The following KCNK2 variants were observed in gnomAD, a reference collection of about 807,000 sequenced individuals.
KCNK2 encodes the protein potassium two pore domain channel subfamily K member 2.
KCNK2 carries 21 observed loss-of-function variants against 40.5 expected under a neutral mutation model. The ratio of observed to expected loss-of-function variants is 0.52; its 90% CI spans 0.37 to 0.75. The LOEUF (loss-of-function observed/expected upper bound fraction) is 0.75. KCNK2 is among the 30% of genes least tolerant of loss of function. The pLI, the probability that KCNK2 is intolerant of heterozygous loss-of-function variation, is 0.00. For missense variants in KCNK2, 399 were observed against 531.6 expected, an observed-to-expected ratio of 0.75 and a Z score of 2.45; for synonymous variants, 191 against 202.2, an observed-to-expected ratio of 0.94 and a Z score of 0.47.
intron 2 of KCNK2, among the ~76,000 whole-genome samples, chr1:215,117,723 G>T (rs185765754): frequency 2.3e-3 from 347 of 152,190 alleles, no homozygotes; most frequent in Middle Eastern, 6.8e-3. Context: ...TCAAGAAGTT[G>T]TTTGCTTCCT....
At chr1:215,105,454 C>T (rs116313393) in intron 2 of KCNK2, among the ~76,000 whole-genome samples, 77 of 152,164 alleles carry the variant, frequency 5.1e-4, no homozygotes, top group African/African-American at 1.7e-3. Flanking sequence ...GTCTATACCC[C>T]ATTTTCTTTC....
At chr1:215,058,011 A>C (rs1658228254) in intron 1 of KCNK2, among the ~76,000 whole-genome samples, 1 of 152,160 alleles carries the variant, frequency 6.6e-6, no homozygotes, top group South Asian at 2.1e-4. Context: ...AAAAGTGAGA[A>C]TAATAAAGAG....
intron 5 of KCNK2, among the ~76,000 whole-genome samples, chr1:215,191,471 G>T (rs1664664755): frequency 1.3e-5 from 2 of 151,882 alleles, no homozygotes; most frequent in South Asian, 4.2e-4. Context: ...AATAATACCA[G>T]CCTGAACTTT....
intron 3 of KCNK2, among the ~76,000 whole-genome samples, chr1:215,156,505 G>C (rs538141364): frequency 6.6e-6 from 1 of 152,168 alleles, no homozygotes; most frequent in South Asian, 2.1e-4. Context: ...TAATGTGTTG[G>C]TAAATGTTAG....
chr1:215,046,228 G>T (rs542591475), intron 1 of KCNK2, among the ~76,000 whole-genome samples: 1 of 152,120 alleles, frequency 6.6e-6, no homozygotes, highest in Non-Finnish European at 1.5e-5. Flanking sequence ...TATGATTTGA[G>T]AAATACAGCA....
chr1:215,160,798 G>A (rs1361039971), intron 3 of KCNK2, among the ~76,000 whole-genome samples: 1 of 152,052 alleles, frequency 6.6e-6, no homozygotes, highest in Non-Finnish European at 1.5e-5. Flanking sequence ...CCTCCTGGTT[G>A]TTTTATCTCC....
intron 3 of KCNK2, among the ~76,000 whole-genome samples, chr1:215,140,624 T>C (rs1345096461): frequency 2.0e-5 from 3 of 152,154 alleles, no homozygotes; most frequent in Non-Finnish European, 4.4e-5. Flanking sequence ...AAATAAATGG[T>C]ATAAAAGATT....
At chr1:215,058,837 T>C (rs1318327000) in intron 1 of KCNK2, among the ~76,000 whole-genome samples, 3 of 152,122 alleles carry the variant, frequency 2.0e-5, no homozygotes, top group Non-Finnish European at 4.4e-5. Context: ...TGCCTGTTTC[T>C]TTTCTTTCTT....
rs1473553180 is a variant in KCNK2, at chr1:215,235,034, C to T, written c.1170C>T (p.Thr390=). 2.5e-6 allele frequency: 4 copies of T among 1,613,936 alleles called. No individual in the cohort carries two copies. Among genetic ancestry groups the T allele is most frequent in the Non-Finnish European group, 3.4e-6 (4 of 1,179,926 alleles). Reference sequence around the variant, plus strand: ...GGACCCTGTCAGTGAACCACCTGACCAGCGAGAGGGATGTCTTGCCTCCCT... The same window carrying T: ...GGACCCTGTCAGTGAACCACCTGACTAGCGAGAGGGATGTCTTGCCTCCCT... ...CRRTLSVNHL[T]SERDVLPPLL... is the part of the protein sequence containing the mutation. The change falls in exon 7 of 7, where the codon ACC becomes ACT. Residue 390 remains threonine (T), a synonymous_variant. Transcript: ENST00000444842.
At chr1:215,168,845 G>A (rs115769130) in intron 3 of KCNK2, among the ~76,000 whole-genome samples, 6,559 of 152,010 alleles carry the variant, frequency 0.043, 193 homozygotes, top group Middle Eastern at 0.089. Context: ...TTCTGCAATT[G>A]TATCCCAGAA....
Position 215,167,313 on chromosome 1 carries a change from T to G in KCNK2, c.476-1886T>G, listed in dbSNP as rs183635764. ...CTTTGAACTACAATGGTCATTAAAC[T>G]GGAAAGTAAAGTAACAACGACAAAA... On this transcript the variant is annotated intron_variant, in intron 3 of 6. Transcript: ENST00000444842. 4.6e-3 allele frequency among the ~76,000 whole-genome samples: 664 copies of G among 143,844 alleles called. 1 individual carries two copies. The highest frequency in any genetic ancestry group is 0.011 in the Middle Eastern group (3 of 282). The allele number at this position is 143,844 out of a possible 152,430, so 94.4% of individuals were successfully genotyped here. A position where few individuals can be genotyped will look rare whatever the true frequency, so the allele number is the denominator to read the frequency against.
intron 1 of KCNK2, among the ~76,000 whole-genome samples, chr1:215,063,867 C>G (rs1472749465): frequency 6.6e-6 from 1 of 152,112 alleles, no homozygotes; most frequent in African/African-American, 2.4e-5. Flanking sequence ...AAACAGAGCT[C>G]CCTTCACAAT....
intron 2 of KCNK2, among the ~76,000 whole-genome samples, chr1:215,124,100 A>C (rs961200961): frequency 9.9e-5 from 15 of 152,156 alleles, no homozygotes; most frequent in African/African-American, 3.1e-4. Flanking sequence ...CTTGAAAGTG[A>C]AGTCCTGTTG....
At chr1:215,048,798 C>T (rs967926908) in intron 1 of KCNK2, among the ~76,000 whole-genome samples, 10 of 152,134 alleles carry the variant, frequency 6.6e-5, no homozygotes, top group Admixed American at 3.3e-4. Flanking sequence ...AGAATTCATC[C>T]CAGCCTGGAC....
chr1:215,060,341 A>C, intron 1 of KCNK2, among the ~76,000 whole-genome samples: 1 of 152,218 alleles, frequency 6.6e-6, no homozygotes, highest in East Asian at 1.9e-4. Context: ...TGCACAACGA[A>C]GGCGTGGCAT....
chr1:215,013,178 C>T (rs1656469064), intron 1 of KCNK2, among the ~76,000 whole-genome samples: 1 of 151,958 alleles, frequency 6.6e-6, no homozygotes, highest in South Asian at 2.1e-4. Context: ...AGGTGTGGGT[C>T]AAGGTATGTA....
At chr1:215,048,622 G>A (rs1657870893) in intron 1 of KCNK2, among the ~76,000 whole-genome samples, 1 of 152,036 alleles carries the variant, frequency 6.6e-6, no homozygotes, top group Non-Finnish European at 1.5e-5. Context: ...AAGTCAAATG[G>A]GCCACAAGTG....
intron 6 of KCNK2, among the ~76,000 whole-genome samples, chr1:215,233,076 G>C (rs1373862345): frequency 6.6e-6 from 1 of 152,116 alleles, no homozygotes; most frequent in Non-Finnish European, 1.5e-5. Flanking sequence ...CTATATCTAA[G>C]TATAGTTGGA....
At chr1:215,009,463 CATTTT>C (rs1379730066) in intron 1 of KCNK2, among the ~76,000 whole-genome samples, 3 of 152,066 alleles carry the variant, frequency 2.0e-5, no homozygotes, top group Admixed American at 1.3e-4. Flanking sequence ...TATATCATTT[CATTTT>C]ATCTCACTTT....
Sources: gnomAD v4.1 joint callset for allele counts (sites outside exome capture counted in the v4.1 genomes callset) on GRCh38, gnomAD v4.1.1 for gene constraint, MANE v1.5 for transcripts, NCBI Gene and HGNC (gene_info 2026-07-23, HGNC 2026-07-21) for gene names.